CPE: variants seen among roughly 807,000 people sequenced by gnomAD.
CPE encodes carboxypeptidase E.
Under a neutral mutation model 53.5 loss-of-function variants are expected in CPE, and 17 were observed. That is an observed-to-expected ratio of 0.32 (90% CI 0.22 to 0.48). The LOEUF (loss-of-function observed/expected upper bound fraction) is 0.48. Ranked by LOEUF, CPE falls within the 20% of genes least tolerant of loss-of-function variation. The probability of loss-of-function intolerance (pLI) is 0.99; values close to 1 mark genes in which losing one functional copy is unlikely to be tolerated. For missense variants in CPE, 524 were observed against 614.7 expected, an observed-to-expected ratio of 0.85 and a Z score of 1.56; for synonymous variants, 226 against 228.8, an observed-to-expected ratio of 0.99 and a Z score of 0.11.
At chr4:165,461,166 C>CAAAAAAAAAAAAAAAAAAAAAAAAAA (rs1173022270) in intron 1 of CPE, among the ~76,000 whole-genome samples, 19 of 44,196 alleles carry the variant, frequency 4.3e-4, no homozygotes, top group South Asian at 1.1e-3. Context: ...GCCTCTGCCT[C>CAAAAAAAAAAAAAAAAAAAAAAAAAA]AAAAAAAAAA....
chr4:165,454,163 C>G (rs1326621744), intron 1 of CPE, among the ~76,000 whole-genome samples: 1 of 152,204 alleles, frequency 6.6e-6, no homozygotes, highest in Non-Finnish European at 1.5e-5. Context: ...TACAAGCCTA[C>G]TCCATCCCAC....
rs193118404 is a variant in CPE at position 165,482,265 on chromosome 4, C to T, written c.696C>T (p.Val232=). 6.2e-7 allele frequency: 1 copy of T among 1,613,522 alleles called. No individual in the cohort carries two copies. Residue 232 remains valine (V), a synonymous_variant, in exon 4 of 9, where the codon GTC becomes GTT. Coordinates refer to ENST00000402744, the MANE Select transcript of CPE (RefSeq NM_001873.4). The part of the protein sequence containing the change: ...NTKLAPETKA[V]IHWIMDIPFV... ...AGCTTGCTCCTGAGACCAAGGCTGT[C>T]ATTCATTGGATTATGGATATTCCTT... is the stretch of plus-strand genomic sequence containing the variant.
In CPE at chr4:165,488,871, A is replaced by C. The variant is rs150465463; in HGVS notation, c.1113+1294A>C. On this transcript the variant is annotated intron_variant, in intron 6 of 8. Coordinates refer to ENST00000402744, the MANE Select transcript of CPE (RefSeq NM_001873.4). ...CTCTAAAAAAAAAAAGAAGAAGAAG[A>C]AGCAAAATCAGCATAGGAATTCTTT... 1.6e-3 allele frequency among the ~76,000 whole-genome samples: 246 copies of C among 152,102 alleles called. 1 individual carries two copies. Among genetic ancestry groups the C allele is most frequent in the African/African-American group, 5.1e-3 (212 of 41,526 alleles).
intron 1 of CPE, among the ~76,000 whole-genome samples, chr4:165,390,903 G>A (rs1730669279): frequency 6.6e-6 from 1 of 152,102 alleles, no homozygotes; most frequent in Admixed American, 6.5e-5. Flanking sequence ...TGAACTATGT[G>A]ATATTTTTAA....
chr4:165,397,521 A>G lies in CPE; in HGVS notation c.307+17993A>G, dbSNP rs112748768. Among the ~76,000 whole-genome samples, 962 of 152,236 alleles carry G rather than the reference A, an allele frequency of 6.3e-3. 12 individuals carry two copies. Among genetic ancestry groups the G allele is most frequent in the African/African-American group, 0.022 (893 of 41,522 alleles). On this transcript the variant is annotated intron_variant, in intron 1 of 8. Coordinates refer to ENST00000402744, the MANE Select transcript of CPE (RefSeq NM_001873.4). Reference sequence around the variant, plus strand: ...TAGCTCCTCTCTTCCCTTCTTGGGGAAATGTTCCTTCTTACCATGTGACTT... The same window carrying G: ...TAGCTCCTCTCTTCCCTTCTTGGGGGAATGTTCCTTCTTACCATGTGACTT...
At chr4:165,394,290 T>A (rs978133098) in intron 1 of CPE, among the ~76,000 whole-genome samples, 8 of 152,318 alleles carry the variant, frequency 5.3e-5, no homozygotes, top group Non-Finnish European at 8.8e-5. Flanking sequence ...TAAGTTACAA[T>A]ACAGTTATGA....
chr4:165,479,991 CAAAAA>C (rs80059796), intron 3 of CPE, among the ~76,000 whole-genome samples: 6 of 63,776 alleles, frequency 9.4e-5, no homozygotes, highest in African/African-American at 2.9e-4. Flanking sequence ...GACTCCGCCT[CAAAAA>C]AAAAAAAAAA....
intron 1 of CPE, among the ~76,000 whole-genome samples, chr4:165,425,076 T>C (rs528576112): frequency 2.0e-5 from 3 of 151,750 alleles, no homozygotes; most frequent in Admixed American, 1.3e-4. Context: ...TGGGGTGTCA[T>C]CATGTTGGTC....
intron 1 of CPE, among the ~76,000 whole-genome samples, chr4:165,398,206 T>G (rs1005746048): frequency 1.5e-4 from 23 of 152,198 alleles, no homozygotes; most frequent in African/African-American, 5.5e-4. Context: ...TTTTATTAAT[T>G]GCTTATTTAC....
chr4:165,438,078 G>T (rs114130240), intron 1 of CPE, among the ~76,000 whole-genome samples: 2 of 152,118 alleles, frequency 1.3e-5, no homozygotes, highest in African/African-American at 4.8e-5. Context: ...TCTTGAAGGC[G>T]CTTACTTAGG....
At chr4:165,431,163 G>T (rs1731402289) in intron 1 of CPE, among the ~76,000 whole-genome samples, 1 of 152,108 alleles carries the variant, frequency 6.6e-6, no homozygotes, top group Non-Finnish European at 1.5e-5. Context: ...GAGCTGTGTG[G>T]TTTGAGTTAC....
intron 1 of CPE, among the ~76,000 whole-genome samples, chr4:165,430,974 C>T (rs1407412241): frequency 6.6e-6 from 1 of 152,180 alleles, no homozygotes; most frequent in East Asian, 1.9e-4. Flanking sequence ...GATTTCTGCT[C>T]TTGTCTTTTC....
At chr4:165,492,985 T>G (rs1732633588) in intron 6 of CPE, among the ~76,000 whole-genome samples, 186 bp from the exon 7 acceptor site, 1 of 152,172 alleles carries the variant, frequency 6.6e-6, no homozygotes, top group Admixed American at 6.5e-5. Context: ...CTTATCTATT[T>G]AGGGAAAAGC....
intron 1 of CPE, among the ~76,000 whole-genome samples, chr4:165,432,935 C>T (rs1731437296): frequency 6.6e-6 from 1 of 152,192 alleles, no homozygotes; most frequent in Non-Finnish European, 1.5e-5. Context: ...TCCACGACCT[C>T]CACCGCCAAC....
At chr4:165,404,850 C>T (rs1730927331) in intron 1 of CPE, 17 of 764,120 alleles carry the variant, frequency 2.2e-5, no homozygotes, top group South Asian at 6.7e-5. Context: ...ATCTTGTCTG[C>T]GGGAGAGAAG....
At chr4:165,476,864 T>C (rs72976150) in intron 3 of CPE, among the ~76,000 whole-genome samples, 4,631 of 152,256 alleles carry the variant, frequency 0.03, 185 homozygotes, top group African/African-American at 0.088. Flanking sequence ...CTGAAAATTA[T>C]CTTTCATGGG....
At chr4:165,418,883 C>T (rs995061997) in intron 1 of CPE, among the ~76,000 whole-genome samples, 16 of 151,740 alleles carry the variant, frequency 1.1e-4, no homozygotes, top group African/African-American at 3.9e-4. Flanking sequence ...GCAGGGAAAA[C>T]TAATCATTTG....
chr4:165,473,277 C>G (rs796523248), intron 3 of CPE, among the ~76,000 whole-genome samples: 7 of 152,306 alleles, frequency 4.6e-5, no homozygotes, highest in African/African-American at 1.7e-4. Flanking sequence ...ATTTACCATA[C>G]AAGATCCTTT....
At chr4:165,453,849 T>C (rs747762705) in intron 1 of CPE, among the ~76,000 whole-genome samples, 30 of 152,062 alleles carry the variant, frequency 2.0e-4, no homozygotes, top group Non-Finnish European at 3.4e-4. Context: ...GAAAGAGAGG[T>C]GAGCAAAGGA....
Sources: allele counts gnomAD v4.1 joint callset (sites outside exome capture counted in the v4.1 genomes callset), GRCh38; gene constraint gnomAD v4.1.1; transcripts MANE v1.5; gene names NCBI Gene and HGNC (gene_info 2026-07-23, HGNC 2026-07-21).